Variants in NCOR2 observed in about 807,000 individuals in gnomAD.
The protein encoded by NCOR2 is CTG repeat protein 26.
Under a neutral mutation model 262.9 loss-of-function variants are expected in NCOR2, and 81 were observed. The observed-to-expected ratio is 0.31, with a 90% CI of 0.26 to 0.37. NCOR2 has a LOEUF of 0.37. NCOR2 is among the 10% of genes least tolerant of loss of function. NCOR2 has a pLI of 1.00. For missense variants in NCOR2, 3,385 were observed against 3,621.4 expected, an observed-to-expected ratio of 0.93 and a Z score of 1.68; for synonymous variants, 1,659 against 1,559.3, an observed-to-expected ratio of 1.06 and a Z score of -1.51.
chr12:124,522,833 G>A (rs1025262298), intron 1 of NCOR2, among the ~76,000 whole-genome samples: 5 of 152,228 alleles, frequency 3.3e-5, no homozygotes, highest in Non-Finnish European at 5.9e-5. Context: ...ATAGCCGACA[G>A]AGCTGGAAAC....
exon 37 of NCOR2, chr12:124,340,107 A>C (rs2135815421): frequency 6.2e-7 from 1 of 1,612,562 alleles, no homozygotes; most frequent in East Asian, 2.2e-5. Flanking sequence ...CCTGGGTCCG[A>C]GGGGAGATGG....
chr12:124,530,912 C>A (rs1181848752), intron 1 of NCOR2, among the ~76,000 whole-genome samples: 1 of 152,226 alleles, frequency 6.6e-6, no homozygotes, highest in African/African-American at 2.4e-5. Flanking sequence ...ATTCTTGTAA[C>A]CCTGACAAAC....
chr12:124,510,712 C>A (rs779927715), intron 1 of NCOR2, among the ~76,000 whole-genome samples: 1 of 152,166 alleles, frequency 6.6e-6, no homozygotes, highest in Non-Finnish European at 1.5e-5. Context: ...CCTTGCAGCC[C>A]TCCCATCCCA....
At chr12:124,466,263 G>C in exon 5 of NCOR2, 1 of 1,607,954 alleles carries the variant, frequency 6.2e-7, no homozygotes, top group Non-Finnish European at 8.5e-7. Context: ...CGGGCGGCTT[G>C]GCAGCCTCCT....
At chr12:124,402,530 T>TGCTGCG in exon 14 of NCOR2, 1 of 1,566,548 alleles carries the variant, frequency 6.4e-7, no homozygotes. Context: ...CTGCTGCTGC[T>TGCTGCG]GCTGCTGCTG....
intron 1 of NCOR2, among the ~76,000 whole-genome samples, chr12:124,509,879 C>G (rs77991162): frequency 1.3e-5 from 2 of 152,194 alleles, no homozygotes; most frequent in Non-Finnish European, 1.5e-5. Flanking sequence ...GGCCGCCCCC[C>G]ACAGTAACCT....
intron 1 of NCOR2, among the ~76,000 whole-genome samples, chr12:124,506,880 T>C (rs966769092): frequency 6.6e-6 from 1 of 152,292 alleles, no homozygotes; most frequent in East Asian, 1.9e-4. Flanking sequence ...AGGGAGGCCA[T>C]GCCAGAGTGG....
intron 14 of NCOR2, 128 bp downstream of exon 16, chr12:124,402,276 A>G: frequency 6.6e-7 from 1 of 1,509,232 alleles, no homozygotes; most frequent in Middle Eastern, 2.5e-4. Flanking sequence ...ACGAGCAGAA[A>G]GCCCTCCCCC....
At chr12:124,390,891 C>T (rs1196084392) in intron 16 of NCOR2, among the ~76,000 whole-genome samples, 1 of 152,254 alleles carries the variant, frequency 6.6e-6, no homozygotes, top group African/African-American at 2.4e-5. Context: ...GACAGGAAGT[C>T]CAGCCAGGAG....
intron 7 of NCOR2, among the ~76,000 whole-genome samples, chr12:124,445,668 T>C (rs1243888): frequency 0.19 from 28,574 of 152,080 alleles, 2,800 homozygotes; most frequent in African/African-American, 0.23. Flanking sequence ...CCCGGCTGGA[T>C]CATCTCATTG....
intron 38 of NCOR2, chr12:124,335,946 G>T: frequency 2.6e-6 from 1 of 377,454 alleles, no homozygotes; most frequent in Non-Finnish European, 4.9e-6. Flanking sequence ...AGCGTGAGAT[G>T]GGGGCAGCAT....
At chr12:124,383,021 C>G (rs1356506387) in intron 17 of NCOR2, among the ~76,000 whole-genome samples, 2 of 151,896 alleles carry the variant, frequency 1.3e-5, no homozygotes, top group East Asian at 3.9e-4. Context: ...TTCTGGGATG[C>G]CTCTTTGAAT....
At chr12:124,330,601 A>G (rs1200724571) in intron 44 of NCOR2, among the ~76,000 whole-genome samples, 2 of 152,216 alleles carry the variant, frequency 1.3e-5, no homozygotes, top group African/African-American at 4.8e-5. Flanking sequence ...GATACTTACT[A>G]ACCACCCGAG....
exon 39 of NCOR2, chr12:124,335,496 C>T: frequency 6.2e-7 from 1 of 1,606,346 alleles, no homozygotes. Context: ...GCTGCTTGGG[C>T]CGCAGCTCCC....
intron 1 of NCOR2, among the ~76,000 whole-genome samples, chr12:124,488,916 G>A (rs929299368): frequency 2.0e-5 from 3 of 151,826 alleles, no homozygotes; most frequent in Non-Finnish European, 4.4e-5. Context: ...TTTGGCCTTC[G>A]TTTCCCAATT....
chr12:124,515,654 T>G (rs2049704780), intron 1 of NCOR2, among the ~76,000 whole-genome samples: 1 of 88,472 alleles, frequency 1.1e-5, no homozygotes, highest in Non-Finnish European at 2.9e-5. Context: ...TGCATATGAG[T>G]GTGAGTGTGC....
chr12:124,334,356 T>C, intron 41 of NCOR2, 68 bp downstream of exon 43: 1 of 1,224,034 alleles, frequency 8.2e-7, no homozygotes, highest in Non-Finnish European at 1.1e-6. Context: ...GACCCAGCTC[T>C]GAGGCAGGCA....
At chr12:124,339,298 C>CCCAT (rs147095017) in intron 37 of NCOR2, among the ~76,000 whole-genome samples, 4,865 of 129,688 alleles carry the variant, frequency 0.038, 271 homozygotes, top group African/African-American at 0.12. Context: ...CAACCACCTG[C>CCCAT]CCATCCATCC....
At chr12:124,465,524 C>T (rs555587451) in intron 5 of NCOR2, among the ~76,000 whole-genome samples, 9 of 152,162 alleles carry the variant, frequency 5.9e-5, no homozygotes, top group Non-Finnish European at 1.3e-4. Context: ...GTGGGATCTC[C>T]ATGGGCCTCC....
Sources: allele counts gnomAD v4.1 joint callset (sites outside exome capture counted in the v4.1 genomes callset), GRCh38; gene constraint gnomAD v4.1.1; transcripts MANE v1.5; gene names NCBI Gene and HGNC (gene_info 2026-07-23, HGNC 2026-07-21).